Variants in ANO5 observed in about 807,000 individuals in gnomAD.
ANO5 encodes anoctamin-5.
A neutral mutation model predicts 121.0 loss-of-function variants in ANO5; 109 were observed. The ratio of observed to expected loss-of-function variants is 0.90; its 90% confidence interval spans 0.77 to 1.06. ANO5 has a LOEUF of 1.06. Ranked by LOEUF, ANO5 falls within the 50% of genes least tolerant of loss-of-function variation. The pLI, the probability that ANO5 is intolerant of heterozygous loss-of-function variation, is 0.00. For synonymous variants in ANO5, 406 were observed against 359.9 expected (o/e 1.13, Z -1.45); for missense variants, 1,064 against 1,078.5 (o/e 0.99, Z 0.19).
At chr11:22,215,829 A>G (rs1015284768) in intron 3 of ANO5, among the ~76,000 whole-genome samples, 3 of 151,852 alleles carry the variant, frequency 2.0e-5, no homozygotes, top group African/African-American at 7.2e-5. Flanking sequence ...TCCTCCTACC[A>G]TATTCTAGCA....
At chr11:22,206,526 C>T (rs988028435) in intron 2 of ANO5, among the ~76,000 whole-genome samples, 16 of 152,042 alleles carry the variant, frequency 1.1e-4, no homozygotes, top group Admixed American at 3.9e-4. Context: ...GTTGGTCAGG[C>T]TGGTCTCGAA....
Position 22,193,115 on chromosome 11 carries a change from T to A in ANO5, c.-378T>A. On this transcript the variant is annotated 5_prime_UTR_variant, in exon 1 of 22. Transcript: ENST00000324559. The stretch of plus-strand genomic sequence containing the variant: ...GGATCCTGGCGAGCACCGGGAGGAG[T>A]GGCGGCTGCGGGATCAGCTGCCGAG... 1 of 1,064,944 alleles carries A rather than the reference T, an allele frequency of 9.4e-7. No individual in the cohort carries two copies. The highest frequency in any genetic ancestry group is 1.1e-6 in the Non-Finnish European group (1 of 878,140). 66.0% of individuals were successfully genotyped at this position (1,064,944 alleles called of 1,614,324 possible).
At chr11:22,223,644 G>T (rs1237616382) in intron 5 of ANO5, among the ~76,000 whole-genome samples, 1 of 151,984 alleles carries the variant, frequency 6.6e-6, no homozygotes. Context: ...TTCTAAAGTT[G>T]CAGGCAGGCC....
intron 21 of ANO5, among the ~76,000 whole-genome samples, chr11:22,276,738 G>A (rs1440106273): frequency 6.6e-6 from 1 of 150,638 alleles, no homozygotes; most frequent in Non-Finnish European, 1.5e-5. Context: ...GATAAGGCCT[G>A]CAAGAAAAGG....
intron 5 of ANO5, among the ~76,000 whole-genome samples, chr11:22,224,225 C>A (rs1158454807): frequency 6.6e-6 from 1 of 151,978 alleles, no homozygotes; most frequent in East Asian, 1.9e-4. Context: ...TTCTGTCTTA[C>A]AGTTTTAAAA....
chr11:22,267,060 T>C (rs1161454207), intron 17 of ANO5, among the ~76,000 whole-genome samples: 3 of 152,196 alleles, frequency 2.0e-5, no homozygotes, highest in African/African-American at 7.2e-5. Flanking sequence ...AGAAATATTT[T>C]CCTACCCAGG....
At chr11:22,257,598 G>C in intron 13 of ANO5, 82 bp from the exon 14 acceptor site, 1 of 1,135,754 alleles carries the variant, frequency 8.8e-7, no homozygotes, top group Non-Finnish European at 1.3e-6. Flanking sequence ...CTTTAACTGG[G>C]CTCTGTGATA....
chr11:22,214,070 C>CATT (rs917098116), intron 3 of ANO5, among the ~76,000 whole-genome samples: 3 of 151,464 alleles, frequency 2.0e-5, no homozygotes, highest in Non-Finnish European at 2.9e-5. Context: ...TAATTATTAT[C>CATT]ATTATTATTA....
At chr11:22,210,443 A>C (rs1228708777) in intron 2 of ANO5, among the ~76,000 whole-genome samples, 1 of 151,942 alleles carries the variant, frequency 6.6e-6, no homozygotes, top group East Asian at 1.9e-4. Context: ...TTTGCCCAGC[A>C]TTATTTGGGC....
At chr11:22,229,123 AC>A (rs1479309724) in intron 7 of ANO5, among the ~76,000 whole-genome samples, 1 of 151,766 alleles carries the variant, frequency 6.6e-6, no homozygotes, top group Non-Finnish European at 1.5e-5. Context: ...CACACTCTCC[AC>A]CTTCTCTCCA....
chr11:22,246,856 C>CAAAAAAAAA (rs10565920), intron 9 of ANO5, among the ~76,000 whole-genome samples: 6 of 62,170 alleles, frequency 9.7e-5, no homozygotes, highest in African/African-American at 1.4e-4. Flanking sequence ...GACCCTGTTT[C>CAAAAAAAAA]AAAAAAAAAA....
chr11:22,201,565 G>A (rs886792794), intron 1 of ANO5, among the ~76,000 whole-genome samples: 2 of 152,050 alleles, frequency 1.3e-5, no homozygotes, highest in African/African-American at 4.8e-5. Flanking sequence ...GAATACTACA[G>A]ACTGGGTAAT....
In ANO5 at chr11:22,262,109, A is replaced by G; in HGVS notation, c.1631-20A>G. The G allele has an allele frequency of 2.5e-6, 4 of 1,573,250 alleles. No homozygotes were observed. Among genetic ancestry groups the G allele is most frequent in the Non-Finnish European group, 3.5e-6 (4 of 1,149,994 alleles). ...AAAAAAATAAGAAGATGCACTAAACATTTTTTTTTAACTTAACAGAAATTC... is the reference window on the plus strand; with the variant it reads ...AAAAAAATAAGAAGATGCACTAAACGTTTTTTTTTAACTTAACAGAAATTC... On this transcript the variant is annotated intron_variant, in intron 15 of 21. Transcript: ENST00000324559.
intron 2 of ANO5, among the ~76,000 whole-genome samples, chr11:22,209,127 G>T (rs995543536): frequency 2.6e-5 from 4 of 151,846 alleles, no homozygotes; most frequent in Admixed American, 2.0e-4. Context: ...ATTATTTTAT[G>T]TTTGAAAAGG....
rs760927040 is a variant in ANO5 at position 22,270,402 on chromosome 11, T to C, written c.1989T>C (p.Ser663=). 1 of 1,614,108 alleles carries C rather than the reference T, an allele frequency of 6.2e-7. No homozygotes were observed. The highest frequency in any genetic ancestry group is 2.2e-5 in the East Asian group (1 of 44,874). Residue 663 remains serine, a synonymous_variant, in exon 18 of 22, where the codon AGT becomes AGC. Coordinates refer to ENST00000324559, the MANE Select transcript of ANO5 (RefSeq NM_213599.3). ...SRWEQDHDLE[S]FGPLGLFYEY... ...GGGAGCAGGATCATGACCTTGAAAGTTTTGGACCCCTTGGGCTTTTCTATG... is the reference window on the plus strand; with the variant it reads ...GGGAGCAGGATCATGACCTTGAAAGCTTTGGACCCCTTGGGCTTTTCTATG...
chr11:22,257,396 A>T (rs1237952449), intron 13 of ANO5, among the ~76,000 whole-genome samples: 1 of 152,162 alleles, frequency 6.6e-6, no homozygotes, highest in African/African-American at 2.4e-5. Flanking sequence ...TCATTATTTG[A>T]CTTTATTTAC....
At chr11:22,259,817 C>A in intron 15 of ANO5, 76 bp downstream of exon 15, 1 of 1,384,234 alleles carries the variant, frequency 7.2e-7, no homozygotes, top group East Asian at 2.4e-5. Context: ...TGGATCAGGT[C>A]TCCAGGAGTT....
chr11:22,231,325 AT>A (rs1853033823), intron 7 of ANO5, among the ~76,000 whole-genome samples: 1 of 151,884 alleles, frequency 6.6e-6, no homozygotes, highest in South Asian at 2.1e-4. Context: ...TATCACTTTT[AT>A]GGTCATTTAC....
chr11:22,229,936 C>T (rs1852983145), intron 7 of ANO5, among the ~76,000 whole-genome samples: 1 of 151,950 alleles, frequency 6.6e-6, no homozygotes, highest in African/African-American at 2.4e-5. Context: ...AATAATATTA[C>T]AAGAGCATCT....
Sources: allele counts gnomAD v4.1 joint callset (sites outside exome capture counted in the v4.1 genomes callset), GRCh38; gene constraint gnomAD v4.1.1; transcripts MANE v1.5; gene names NCBI Gene and HGNC (gene_info 2026-07-23, HGNC 2026-07-21).